GOLGB1: variants seen among roughly 807,000 people sequenced by gnomAD.
GOLGB1 encodes the protein golgin B1, also known as golgin subfamily B member 1.
A neutral mutation model predicts 336.9 loss-of-function variants in GOLGB1; 174 were observed. The ratio of observed to expected loss-of-function variants is 0.52; its 90% CI spans 0.46 to 0.59. GOLGB1 has a LOEUF of 0.59. GOLGB1 is among the 20% of genes least tolerant of loss of function. GOLGB1 has a pLI of 0.00. For missense variants in GOLGB1, 3,331 were observed against 3,645.3 expected (o/e 0.91, Z 2.22); for synonymous variants, 1,208 against 1,289.2 (o/e 0.94, Z 1.35).
intron 9 of GOLGB1, among the ~76,000 whole-genome samples, chr3:121,715,791 G>A (rs1309149988): frequency 1.3e-5 from 2 of 151,792 alleles, no homozygotes; most frequent in African/African-American, 4.8e-5. Context: ...TCAGGAGTTC[G>A]AGACCAGCCT....
intron 1 of GOLGB1, 83 bp from the exon 2 acceptor site, chr3:121,731,056 G>GTGAATGA (rs1946078706): frequency 2.9e-6 from 4 of 1,359,002 alleles, no homozygotes; most frequent in Non-Finnish European, 4.0e-6. Flanking sequence ...CATATCATCC[G>GTGAATGA]TGAATGAAAA....
In GOLGB1 at chr3:121,664,319, C is replaced by T; in HGVS notation, c.*161G>A. 1.5e-6 allele frequency: 1 copy of T among 666,842 alleles called. No individual in the cohort carries two copies. The highest frequency in any genetic ancestry group is 2.7e-6 in the Non-Finnish European group (1 of 372,694). 41.3% of individuals were successfully genotyped at this position (666,842 alleles called of 1,614,324 possible). On this transcript the variant is annotated 3_prime_UTR_variant, in exon 22 of 22. Transcript: ENST00000614479. ...ACTCGCCAGTCCCTGCAGCTCCAAC[C>T]TGTCCTCGTATCCACCTCTGTTTTT...
At chr3:121,668,034 C>G in intron 19 of GOLGB1, 27 bp downstream of exon 19, 1 of 1,271,532 alleles carries the variant, frequency 7.9e-7, no homozygotes, top group Middle Eastern at 1.9e-4. Flanking sequence ...GGTGTATGCT[C>G]CAGGGTTTAG....
intron 20 of GOLGB1, 127 bp from the exon 21 acceptor site, chr3:121,665,158 A>G (rs1938429847): frequency 1.6e-6 from 1 of 626,388 alleles, no homozygotes; most frequent in South Asian, 1.9e-5. Flanking sequence ...AGCTGCTCCC[A>G]TAAACCCAAA....
intron 14 of GOLGB1, among the ~76,000 whole-genome samples, chr3:121,688,690 T>G (rs1576324656): frequency 1.4e-5 from 2 of 147,586 alleles, no homozygotes; most frequent in South Asian, 4.3e-4. Context: ...CTGCCCAGTC[T>G]GGAAAGTGAG....
intron 14 of GOLGB1, among the ~76,000 whole-genome samples, 166 bp from the exon 15 acceptor site, chr3:121,682,031 T>C (rs749992191): frequency 6.6e-6 from 1 of 152,206 alleles, no homozygotes; most frequent in Non-Finnish European, 1.5e-5. Flanking sequence ...AGTAGTGAAA[T>C]ACATGCAGCT....
At chr3:121,725,232 T>C (rs774004372) in intron 5 of GOLGB1, among the ~76,000 whole-genome samples, 7 of 152,130 alleles carry the variant, frequency 4.6e-5, no homozygotes, top group African/African-American at 1.2e-4. Context: ...GAGCTACCAG[T>C]GTGCAATGCA....
chr3:121,742,362 G>A (rs1946929746), intron 1 of GOLGB1, among the ~76,000 whole-genome samples: 1 of 152,128 alleles, frequency 6.6e-6, no homozygotes, highest in South Asian at 2.1e-4. Context: ...AACAAGAAAT[G>A]GGGAAAGGAT....
chr3:121,712,630 T>G (rs1450865252), intron 10 of GOLGB1, among the ~76,000 whole-genome samples: 1 of 152,092 alleles, frequency 6.6e-6, no homozygotes, highest in Non-Finnish European at 1.5e-5. Context: ...AACTCAAATT[T>G]AAGAATGGGG....
intron 14 of GOLGB1, among the ~76,000 whole-genome samples, chr3:121,686,086 A>T (rs1479416063): frequency 6.6e-6 from 1 of 152,186 alleles, no homozygotes; most frequent in African/African-American, 2.4e-5. Flanking sequence ...GCTAAATAAA[A>T]ACCCTAAAAA....
chr3:121,707,500 G>T (rs910091231), intron 10 of GOLGB1, among the ~76,000 whole-genome samples: 1 of 151,774 alleles, frequency 6.6e-6, no homozygotes, highest in Non-Finnish European at 1.5e-5. Flanking sequence ...GGGTAGCATG[G>T]TGCATGCCTG....
At chr3:121,677,065 T>C in intron 16 of GOLGB1, 35 bp from the exon 17 acceptor site, 1 of 1,612,994 alleles carries the variant, frequency 6.2e-7, no homozygotes, top group Non-Finnish European at 8.5e-7. Context: ...GATTCTCTCC[T>C]AAGATTGCGC....
chr3:121,695,078 T>G lies in GOLGB1; in HGVS notation c.5445A>C (p.Thr1815=), dbSNP rs1241268993. 2.5e-6 allele frequency: 4 copies of G among 1,614,148 alleles called. No individual in the cohort carries two copies. In the East Asian group the frequency reaches 6.7e-5, roughly 27 times the overall value. The stretch of plus-strand genomic sequence containing the variant: ...TCGCTGATGGAACCGATTCTGAACA[T>G]GTAGGTCTTGTGCTCATACTCAGAG... ...QDSLSMSTRP[T]CSESVPSAKS... is the part of the protein sequence containing the mutation. The change falls in exon 13 of 22, where the codon ACA becomes ACC. Residue 1815 remains threonine, a synonymous_variant. Coordinates refer to ENST00000614479, the MANE Select transcript of GOLGB1 (RefSeq NM_001366282.2).
chr3:121,684,212 C>CA (rs1180816833), intron 14 of GOLGB1, among the ~76,000 whole-genome samples: 8 of 80,840 alleles, frequency 9.9e-5, no homozygotes, highest in Admixed American at 9.8e-4. Flanking sequence ...AATATAATGG[C>CA]AAAAATGAAA....
chr3:121,722,628 A>T (rs534550072), intron 5 of GOLGB1, among the ~76,000 whole-genome samples: 1 of 152,276 alleles, frequency 6.6e-6, no homozygotes, highest in South Asian at 2.1e-4. Context: ...AGTAAAACCA[A>T]AAAAACCACA....
chr3:121,683,080 T>C (rs1251049863), intron 14 of GOLGB1, among the ~76,000 whole-genome samples: 2 of 129,664 alleles, frequency 1.5e-5, no homozygotes, highest in South Asian at 2.6e-4. Flanking sequence ...TTTTTTTTTT[T>C]TTGGAGAGAC....
Position 121,716,955 on chromosome 3 carries a change from G to C in GOLGB1, c.1070C>G (p.Ala357Gly), listed in dbSNP as rs151043306. The part of the protein sequence containing the change: ...MHHLLEQFEQ[A>G]GQAQAELESR... ...CTCTAGTTCAGCCTGGGCTTGGCCT[G>C]CTTGCTCAAACTGTTCTAAAAGATG... Residue 357 changes from alanine (A) to glycine (G), a missense_variant, in exon 9 of 22, where the codon GCA (alanine) becomes GGA (glycine). Ala to Gly is a moderately conservative substitution (Grantham distance 60). Transcript: ENST00000614479. 85 of 1,613,700 alleles carry C rather than the reference G, an allele frequency of 5.3e-5. No individual in the cohort carries two copies. The African/African-American group carries it at 8.8e-4, about 17-fold the overall frequency.
chr3:121,747,177 TATATATATATATATATGG>T (rs1359908139), intron 1 of GOLGB1, among the ~76,000 whole-genome samples: 12 of 132,266 alleles, frequency 9.1e-5, no homozygotes, highest in African/African-American at 3.2e-4. Flanking sequence ...TATATATATA[TATATATATATATATATGG>T]ATGTTACATA....
chr3:121,685,530 T>C (rs1183346673), intron 14 of GOLGB1, among the ~76,000 whole-genome samples: 6 of 143,890 alleles, frequency 4.2e-5, no homozygotes, highest in Non-Finnish European at 9.1e-5. Flanking sequence ...CGAGACTCTG[T>C]TTCTAAATAA....
Sources: allele counts gnomAD v4.1 joint callset (sites outside exome capture counted in the v4.1 genomes callset), GRCh38; gene constraint gnomAD v4.1.1; transcripts MANE v1.5; gene names NCBI Gene and HGNC (gene_info 2026-07-23, HGNC 2026-07-21).